The following KSR1 variants were observed in gnomAD, a reference collection of about 807,000 sequenced individuals.
The protein encoded by KSR1 is kinase suppressor of ras 1.
Under a neutral mutation model 92.9 loss-of-function variants are expected in KSR1, and 35 were observed. The ratio of observed to expected loss-of-function variants is 0.38; its 90% CI spans 0.29 to 0.50. KSR1 has a LOEUF of 0.50. Ranked by LOEUF, KSR1 falls within the 20% of genes least tolerant of loss-of-function variation. The probability of loss-of-function intolerance (pLI) is 0.94; values close to 1 mark genes in which losing one functional copy is unlikely to be tolerated. For missense variants in KSR1, 972 were observed against 1,158.5 expected (o/e 0.84, Z 2.34); for synonymous variants, 467 against 472.6 (o/e 0.99, Z 0.15).
At chr17:27,528,514 C>A (rs1332818543) in intron 1 of KSR1, among the ~76,000 whole-genome samples, 3 of 152,194 alleles carry the variant, frequency 2.0e-5, no homozygotes, top group Non-Finnish European at 4.4e-5. Flanking sequence ...ATGTTCAGTT[C>A]TTTCTCCTTC....
chr17:27,588,623 G>C (rs1023332499), intron 6 of KSR1, 88 bp downstream of exon 6: 2 of 1,239,778 alleles, frequency 1.6e-6, no homozygotes, highest in Non-Finnish European at 1.1e-6. Context: ...GTTTCTCAGC[G>C]AGCTCTTTGC....
chr17:27,524,440 T>A (rs929791368), intron 1 of KSR1, among the ~76,000 whole-genome samples: 1 of 152,060 alleles, frequency 6.6e-6, no homozygotes, highest in Admixed American at 6.5e-5. Flanking sequence ...GAGAAAGTAT[T>A]TATTAAGGCC....
At chr17:27,518,362 C>T (rs960711911) in intron 1 of KSR1, among the ~76,000 whole-genome samples, 5 of 152,108 alleles carry the variant, frequency 3.3e-5, no homozygotes, top group African/African-American at 9.7e-5. Context: ...TGAAATTTGG[C>T]GAACCTTAAT....
chr17:27,565,302 C>G (rs2072019965), intron 2 of KSR1, among the ~76,000 whole-genome samples: 1 of 152,184 alleles, frequency 6.6e-6, no homozygotes. Flanking sequence ...GCAGGCACTC[C>G]CATTGTGCCT....
chr17:27,463,674 T>C (rs2019553084), intron 1 of KSR1, among the ~76,000 whole-genome samples: 1 of 152,236 alleles, frequency 6.6e-6, no homozygotes, highest in South Asian at 2.1e-4. Context: ...TTTTCCTTGC[T>C]CCAAGATAGC....
At chr17:27,504,698 C>T (rs552755636) in intron 1 of KSR1, among the ~76,000 whole-genome samples, 12 of 152,176 alleles carry the variant, frequency 7.9e-5, no homozygotes, top group Non-Finnish European at 1.5e-4. Context: ...ACATCCCTGC[C>T]GCCATCTGCC....
At chr17:27,606,576 T>C (rs913296333) in intron 14 of KSR1, among the ~76,000 whole-genome samples, 1 of 152,130 alleles carries the variant, frequency 6.6e-6, no homozygotes, top group African/African-American at 2.4e-5. Flanking sequence ...CCCAGTGGTG[T>C]GCTGGTAAAT....
intron 1 of KSR1, among the ~76,000 whole-genome samples, chr17:27,489,741 T>G (rs778919535): frequency 6.8e-6 from 1 of 147,384 alleles, no homozygotes; most frequent in African/African-American, 2.5e-5. Context: ...CACTGCCTCC[T>G]CATTCAGGTG....
At position 27,604,736 on chromosome 17, in the gene KSR1, T is replaced by C; in HGVS notation, c.1614+8T>C. 2 of 1,613,868 alleles carry C rather than the reference T, an allele frequency of 1.2e-6. No individual in the cohort carries two copies. Among genetic ancestry groups the C allele is most frequent in the Non-Finnish European group, 1.7e-6 (2 of 1,179,794 alleles). On this transcript the variant is annotated splice_region_variant and intron_variant, in intron 13 of 20. Coordinates refer to ENST00000644974, the MANE Select transcript of KSR1 (RefSeq NM_001394583.1). ...GAAGCTCACGAAGCGGAGGTGAGGGTGACACACACGTGTCCACAGATGGCC... is the reference window on the plus strand; with the variant it reads ...GAAGCTCACGAAGCGGAGGTGAGGGCGACACACACGTGTCCACAGATGGCC...
chr17:27,546,615 A>G (rs1425613712), intron 1 of KSR1, among the ~76,000 whole-genome samples: 2 of 152,108 alleles, frequency 1.3e-5, no homozygotes, highest in Non-Finnish European at 2.9e-5. Context: ...TCCAGCAGGT[A>G]TTGGAGGAAT....
At chr17:27,601,884 A>G (rs372928599) in intron 11 of KSR1, 7 of 1,605,856 alleles carry the variant, frequency 4.4e-6, no homozygotes, top group South Asian at 1.1e-5. Flanking sequence ...TCTGTGCCTT[A>G]CCACACAGTG....
chr17:27,525,208 G>A (rs368595908), intron 1 of KSR1, among the ~76,000 whole-genome samples: 1 of 152,254 alleles, frequency 6.6e-6, no homozygotes, highest in Non-Finnish European at 1.5e-5. Context: ...CTTACTTACT[G>A]TGTGAACTTG....
intron 1 of KSR1, among the ~76,000 whole-genome samples, chr17:27,490,690 G>A (rs916504687): frequency 2.6e-5 from 4 of 152,028 alleles, no homozygotes; most frequent in African/African-American, 7.2e-5. Context: ...CTTTTTGGAC[G>A]GTAATTGATA....
chr17:27,565,762 A>G (rs1159418279), intron 2 of KSR1, among the ~76,000 whole-genome samples: 2 of 152,272 alleles, frequency 1.3e-5, no homozygotes, highest in African/African-American at 4.8e-5. Context: ...TGTGAATCTA[A>G]TTATGAACAT....
At chr17:27,525,849 ATCT>A (rs2070238867) in intron 1 of KSR1, among the ~76,000 whole-genome samples, 1 of 152,204 alleles carries the variant, frequency 6.6e-6, no homozygotes, top group South Asian at 2.1e-4. Flanking sequence ...ATTTGTGTAA[ATCT>A]TCTCCCTAAA....
At chr17:27,519,585 C>T (rs930353555) in intron 1 of KSR1, among the ~76,000 whole-genome samples, 15 of 152,304 alleles carry the variant, frequency 9.8e-5, no homozygotes, top group African/African-American at 3.1e-4. Context: ...CTGTCAGTCC[C>T]GGGACCCCAG....
intron 1 of KSR1, among the ~76,000 whole-genome samples, chr17:27,511,560 G>A (rs999875497): frequency 6.6e-6 from 1 of 152,216 alleles, no homozygotes; most frequent in Non-Finnish European, 1.5e-5. Context: ...GGAGCGTTGG[G>A]CCAAGTTTCC....
intron 1 of KSR1, among the ~76,000 whole-genome samples, chr17:27,500,438 G>T (rs2069136838): frequency 6.6e-6 from 1 of 152,188 alleles, no homozygotes; most frequent in Non-Finnish European, 1.5e-5. Flanking sequence ...GCTCCAGAAG[G>T]CTCTATGGAG....
intron 2 of KSR1, among the ~76,000 whole-genome samples, chr17:27,561,361 C>T (rs1010737533): frequency 1.3e-5 from 2 of 152,212 alleles, no homozygotes; most frequent in Non-Finnish European, 1.5e-5. Context: ...CTTTCCTTTA[C>T]ATTCACTCGT....
Sources: allele counts gnomAD v4.1 joint callset (sites outside exome capture counted in the v4.1 genomes callset), GRCh38; gene constraint gnomAD v4.1.1; transcripts MANE v1.5; gene names NCBI Gene and HGNC (gene_info 2026-07-23, HGNC 2026-07-21).